CLEC2A: variants seen among roughly 807,000 people sequenced by gnomAD.
CLEC2A encodes C-type lectin domain family 2 member A, also known as keratinocyte-associated C-type lectin.
In CLEC2A, 19 loss-of-function variants were observed where a neutral mutation model predicts 18.6. That is an observed-to-expected ratio of 1.02 (90% CI 0.71 to 1.50). The LOEUF is 1.50. Ranked by LOEUF, CLEC2A falls within the 40% of genes most tolerant of loss-of-function variation. CLEC2A has a pLI of 0.00. For synonymous variants in CLEC2A, 74 were observed against 64.0 expected, an observed-to-expected ratio of 1.16 and a Z score of -0.75; for missense variants, 190 against 207.9, an observed-to-expected ratio of 0.91 and a Z score of 0.53.
intron 1 of CLEC2A, among the ~76,000 whole-genome samples, chr12:9,928,389 C>T (rs1166555435): frequency 6.6e-6 from 1 of 151,976 alleles, no homozygotes; most frequent in Non-Finnish European, 1.5e-5. Flanking sequence ...ATACTTGAAC[C>T]CAGGAGGCGG....
chr12:9,895,699 A>G, downstream of CLEC2A: 1 of 1,532,276 alleles, frequency 6.5e-7, no homozygotes, highest in Non-Finnish European at 8.7e-7. Flanking sequence ...GTTTTCAGTG[A>G]TTGGACCAAC....
chr12:9,911,789 T>C (rs1862990597), downstream of CLEC2A, among the ~76,000 whole-genome samples: 1 of 151,908 alleles, frequency 6.6e-6, no homozygotes, highest in Non-Finnish European at 1.5e-5. Flanking sequence ...CCTGGGCCCA[T>C]TTTTTTTAAG....
chr12:9,895,491 G>A (rs1862746574), downstream of CLEC2A, among the ~76,000 whole-genome samples: 1 of 152,228 alleles, frequency 6.6e-6, no homozygotes, highest in Non-Finnish European at 1.5e-5. Context: ...TTCTAGTGTA[G>A]CTCAAGCTTG....
intron 1 of CLEC2A, among the ~76,000 whole-genome samples, chr12:9,928,482 A>G (rs1445350013): frequency 2.0e-5 from 3 of 152,056 alleles, no homozygotes; most frequent in Non-Finnish European, 4.4e-5. Context: ...AAAAAGAAAG[A>G]AAGAAAGAAG....
chr12:9,923,552 A>G (rs547069237), intron 2 of CLEC2A, among the ~76,000 whole-genome samples: 1 of 152,162 alleles, frequency 6.6e-6, no homozygotes, highest in Admixed American at 6.5e-5. Context: ...TAGAAATACC[A>G]TTTGACCCAG....
chr12:9,928,234 G>A (rs1328169504), intron 1 of CLEC2A, among the ~76,000 whole-genome samples: 1 of 152,168 alleles, frequency 6.6e-6, no homozygotes, highest in African/African-American at 2.4e-5. Flanking sequence ...GGGAGGCCAA[G>A]GAGGGTGGAT....
At chr12:9,923,567 T>G (rs1018369351) in intron 2 of CLEC2A, among the ~76,000 whole-genome samples, 1 of 152,136 alleles carries the variant, frequency 6.6e-6, no homozygotes, top group East Asian at 1.9e-4. Flanking sequence ...ACCCAGCCAT[T>G]CCATTACTGG....
At chr12:9,901,866 CT>C (rs1464629778) in intron 4 of CLEC2A, among the ~76,000 whole-genome samples, 3 of 152,142 alleles carry the variant, frequency 2.0e-5, no homozygotes, top group Non-Finnish European at 4.4e-5. Context: ...ATAGGAAAAC[CT>C]TGTTATGATT....
intron 4 of CLEC2A, among the ~76,000 whole-genome samples, chr12:9,906,521 C>A (rs1340925108): frequency 6.6e-6 from 1 of 152,164 alleles, no homozygotes; most frequent in Non-Finnish European, 1.5e-5. Context: ...AATAAGACCT[C>A]GTTCAGTCCA....
downstream of CLEC2A, among the ~76,000 whole-genome samples, chr12:9,911,179 A>G (rs1862980461): frequency 6.6e-6 from 1 of 152,080 alleles, no homozygotes; most frequent in South Asian, 2.1e-4. Flanking sequence ...GTGATGGGGG[A>G]GAAGGAGGGA....
chr12:9,921,965 T>C (rs946407374), intron 3 of CLEC2A, 101 bp downstream of exon 3: 15 of 1,027,258 alleles, frequency 1.5e-5, no homozygotes, highest in Non-Finnish European at 2.1e-5. Context: ...AAACCCATGT[T>C]GTTCAAGGAT....
intron 3 of CLEC2A, 28 bp downstream of exon 3, chr12:9,922,038 A>G: frequency 6.7e-7 from 1 of 1,496,236 alleles, no homozygotes; most frequent in Non-Finnish European, 9.0e-7. Flanking sequence ...AATCTCTGAA[A>G]TTACTGAAGA....
chr12:9,927,895 G>T (rs1863303297), intron 1 of CLEC2A, among the ~76,000 whole-genome samples: 1 of 151,844 alleles, frequency 6.6e-6, no homozygotes, highest in Non-Finnish European at 1.5e-5. Flanking sequence ...AAAAACCACT[G>T]CACAAATTTC....
chr12:9,878,795 G>T, the CLEC2A span, among the ~76,000 whole-genome samples: 1 of 152,130 alleles, frequency 6.6e-6, no homozygotes, highest in Non-Finnish European at 1.5e-5. Context: ...CAGTGAGGAG[G>T]CTAGGCAGTC....
chr12:9,916,595 A>G (rs972861405), intron 4 of CLEC2A, 105 bp downstream of exon 4: 11 of 798,906 alleles, frequency 1.4e-5, no homozygotes, highest in Middle Eastern at 4.6e-4. Flanking sequence ...TTAATTCCAC[A>G]TGGAAAACAG....
the CLEC2A span, among the ~76,000 whole-genome samples, chr12:9,883,386 C>T: frequency 4.5e-3 from 684 of 152,290 alleles, 1 homozygote; most frequent in Non-Finnish European, 7.8e-3. Context: ...CCAAGCAGTG[C>T]TAGGATAGGC....
At chr12:9,908,152 C>A (rs1483229513) in intron 4 of CLEC2A, among the ~76,000 whole-genome samples, 1 of 152,286 alleles carries the variant, frequency 6.6e-6, no homozygotes, top group Middle Eastern at 3.4e-3. Context: ...TTTCTTCTTA[C>A]TACCTCCCCA....
chr12:9,915,494 A>T (rs1863056714), intron 4 of CLEC2A, among the ~76,000 whole-genome samples: 1 of 152,240 alleles, frequency 6.6e-6, no homozygotes, highest in Admixed American at 6.5e-5. Context: ...AAAATGTGGT[A>T]CATATACACC....
At chr12:9,921,723 A>G (rs1337666446) in intron 3 of CLEC2A, among the ~76,000 whole-genome samples, 1 of 152,268 alleles carries the variant, frequency 6.6e-6, no homozygotes, top group Non-Finnish European at 1.5e-5. Flanking sequence ...TATATGCTGT[A>G]TTATTACCAT....
Sources: gnomAD v4.1 joint callset for allele counts (sites outside exome capture counted in the v4.1 genomes callset) on GRCh38, gnomAD v4.1.1 for gene constraint, MANE v1.5 for transcripts, NCBI Gene and HGNC (gene_info 2026-07-23, HGNC 2026-07-21) for gene names.